The following LARGE1 variants were observed in gnomAD, a reference collection of about 807,000 sequenced individuals.
LARGE1 encodes the protein LARGE xylosyl- and glucuronyltransferase 1.
A neutral mutation model predicts 87.6 loss-of-function variants in LARGE1; 43 were observed. That is an observed-to-expected ratio of 0.49 (90% CI 0.38 to 0.63). LARGE1 has a LOEUF of 0.63. Among genes scored for constraint, LARGE1 ranks in the 30% least tolerant of loss-of-function variants. The pLI is 0.00. For synonymous variants in LARGE1, 434 were observed against 394.6 expected, an observed-to-expected ratio of 1.10 and a Z score of -1.18; for missense variants, 802 against 1,000.2, an observed-to-expected ratio of 0.80 and a Z score of 2.67.
intron 13 of LARGE1, among the ~76,000 whole-genome samples, chr22:33,278,765 G>A (rs1236137899): frequency 3.3e-5 from 5 of 151,938 alleles, no homozygotes; most frequent in Non-Finnish European, 5.9e-5. Flanking sequence ...CTGTCTCCAG[G>A]CTGGAGTGCA....
chr22:33,246,706 G>T (rs1926776257), intron 11 of LARGE1, among the ~76,000 whole-genome samples: 1 of 152,180 alleles, frequency 6.6e-6, no homozygotes. Context: ...TGAATTTCCA[G>T]CACATATTGT....
the LARGE1 span, among the ~76,000 whole-genome samples, chr22:33,115,998 G>A: frequency 6.6e-6 from 1 of 152,132 alleles, no homozygotes; most frequent in Non-Finnish European, 1.5e-5. Context: ...AACTTCTGTT[G>A]TTTAAGTCAT....
intron 1 of LARGE1, among the ~76,000 whole-genome samples, chr22:33,915,987 T>C (rs925239940): frequency 3.3e-5 from 5 of 152,018 alleles, no homozygotes; most frequent in African/African-American, 1.2e-4. Context: ...CTGGTAATAA[T>C]AGTTGAATGT....
At chr22:33,480,260 A>G (rs2069260182) in intron 6 of LARGE1, among the ~76,000 whole-genome samples, 1 of 152,214 alleles carries the variant, frequency 6.6e-6, no homozygotes, top group Admixed American at 6.5e-5. Flanking sequence ...TGCTAGAAAT[A>G]CAGAGAGTGA....
At chr22:33,493,959 C>T (rs1173001635) in intron 6 of LARGE1, among the ~76,000 whole-genome samples, 4 of 152,336 alleles carry the variant, frequency 2.6e-5, no homozygotes, top group African/African-American at 7.2e-5. Flanking sequence ...TTGCAAAGTA[C>T]GCAGCAGTTG....
At chr22:33,619,748 C>G (rs1163190134) in intron 4 of LARGE1, among the ~76,000 whole-genome samples, 1 of 152,018 alleles carries the variant, frequency 6.6e-6, no homozygotes, top group Non-Finnish European at 1.5e-5. Context: ...AAATGGACAT[C>G]ATAATAGTGC....
At chr22:33,169,617 TGAGGCG>T (rs1277634692) in intron 11 of LARGE1, among the ~76,000 whole-genome samples, 1 of 151,940 alleles carries the variant, frequency 6.6e-6, no homozygotes, top group Non-Finnish European at 1.5e-5. Context: ...TTTGGGAGGC[TGAGGCG>T]GGCGGATCAT....
intron 4 of LARGE1, among the ~76,000 whole-genome samples, chr22:33,605,766 G>T (rs375431788): frequency 1.3e-5 from 2 of 152,146 alleles, no homozygotes; most frequent in East Asian, 3.9e-4. Context: ...CCGGCCCGCT[G>T]ACCTCAAAGA....
At chr22:33,472,943 G>T (rs2068909664) in intron 6 of LARGE1, among the ~76,000 whole-genome samples, 1 of 152,190 alleles carries the variant, frequency 6.6e-6, no homozygotes, top group South Asian at 2.1e-4. Flanking sequence ...AAGGAATTCT[G>T]TTGATGCCTG....
At chr22:33,092,091 G>C in the LARGE1 span, among the ~76,000 whole-genome samples, 4 of 152,112 alleles carry the variant, frequency 2.6e-5, no homozygotes, top group South Asian at 2.1e-4. Flanking sequence ...GTAGAGACAG[G>C]GTTTCACCAT....
Position 33,226,736 on chromosome 22 carries a change from A to T in LARGE1, c.1731-59904T>A, listed in dbSNP as rs926862813. Reference sequence around the variant, plus strand: ...ATTATTATTATTATTATTTATTATTATTTTTTTTTTTGAGACGGAGTCCCG... The same window carrying T: ...ATTATTATTATTATTATTTATTATTTTTTTTTTTTTTGAGACGGAGTCCCG... On this transcript the variant is annotated intron_variant, in intron 11 of 11. Transcript: ENST00000608642. Among the ~76,000 whole-genome samples the T allele has an allele frequency of 1.8e-3, 267 of 146,822 alleles. 1 individual carries two copies. The highest frequency in any genetic ancestry group is 3.3e-3 in the Non-Finnish European group (216 of 66,288).
chr22:33,910,752 G>A (rs1389754407), intron 1 of LARGE1, among the ~76,000 whole-genome samples: 1 of 152,214 alleles, frequency 6.6e-6, no homozygotes. Context: ...CAAGAGAGAG[G>A]ATGGGGGGTT....
the LARGE1 span, among the ~76,000 whole-genome samples, chr22:33,156,243 C>T: frequency 8.3e-4 from 127 of 152,222 alleles, no homozygotes; most frequent in Middle Eastern, 3.4e-3. Flanking sequence ...GATCCCAGAA[C>T]GGTAGATCCA....
chr22:33,300,634 G>A (rs1420457472), intron 12 of LARGE1, among the ~76,000 whole-genome samples: 11 of 152,038 alleles, frequency 7.2e-5, no homozygotes, highest in African/African-American at 1.9e-4. Flanking sequence ...TCTGCCTTCC[G>A]GGGTTCAAGC....
chr22:33,078,479 AC>A, the LARGE1 span, among the ~76,000 whole-genome samples: 1 of 152,210 alleles, frequency 6.6e-6, no homozygotes, highest in African/African-American at 2.4e-5. Flanking sequence ...CTGTTATTAT[AC>A]CCATTGTATA....
At chr22:33,516,951 A>G (rs2071336791) in intron 6 of LARGE1, among the ~76,000 whole-genome samples, 2 of 152,178 alleles carry the variant, frequency 1.3e-5, no homozygotes, top group Admixed American at 1.3e-4. Flanking sequence ...AAGGGAACAC[A>G]TCATTTTCTT....
In LARGE1 at chr22:33,303,814, G is replaced by GGC. The variant is rs1555892184; in HGVS notation, c.1730+414_1730+415insGC. Among the ~76,000 whole-genome samples, 145 of 151,488 alleles carry GGC rather than the reference G, an allele frequency of 9.6e-4. 1 individual carries two copies. Among genetic ancestry groups the GGC allele is most frequent in the African/African-American group, 3.2e-3 (131 of 41,032 alleles). On this transcript the variant is annotated intron_variant, in intron 12 of 14. Coordinates refer to ENST00000397394, the MANE Select transcript of LARGE1 (RefSeq NM_133642.5). The stretch of plus-strand genomic sequence containing the variant: ...TTTTTTTGGTATTTTTAGTAGGGGG[G>GGC]GGGTTTCACCATGTTGGCCAGGATG...
intron 9 of LARGE1, among the ~76,000 whole-genome samples, chr22:33,354,639 G>C (rs1260798517): frequency 6.6e-6 from 1 of 152,204 alleles, no homozygotes; most frequent in Non-Finnish European, 1.5e-5. Context: ...GTCATCAAGA[G>C]AGACTTAAAT....
At chr22:33,167,721 T>C (rs1350088920) in intron 11 of LARGE1, among the ~76,000 whole-genome samples, 1 of 152,314 alleles carries the variant, frequency 6.6e-6, no homozygotes, top group East Asian at 1.9e-4. Context: ...TTTTGATTAG[T>C]TAATTGTCAT....
Sources: allele counts gnomAD v4.1 joint callset (sites outside exome capture counted in the v4.1 genomes callset), GRCh38; gene constraint gnomAD v4.1.1; transcripts MANE v1.5; gene names NCBI Gene and HGNC (gene_info 2026-07-23, HGNC 2026-07-21).